Variants in RXFP1 observed in about 807,000 individuals in gnomAD.
The protein encoded by RXFP1 is relaxin receptor 1.
Under a neutral mutation model 89.8 loss-of-function variants are expected in RXFP1, and 73 were observed. The ratio of observed to expected loss-of-function variants is 0.81; its 90% CI spans 0.67 to 0.99. The LOEUF is 0.99. Ranked by LOEUF, RXFP1 falls within the 50% of genes least tolerant of loss-of-function variation. The pLI, the probability that RXFP1 is intolerant of heterozygous loss-of-function variation, is 0.00. For missense variants in RXFP1, 793 were observed against 895.5 expected (o/e 0.89, Z 1.46); for synonymous variants, 277 against 305.5 (o/e 0.91, Z 0.97).
At chr4:158,579,584 C>T (rs1756935429) in intron 2 of RXFP1, among the ~76,000 whole-genome samples, 1 of 152,208 alleles carries the variant, frequency 6.6e-6, no homozygotes, top group African/African-American at 2.4e-5. Flanking sequence ...TGTTTTAAGT[C>T]ACCAAGTTTG....
intron 1 of RXFP1, among the ~76,000 whole-genome samples, chr4:158,560,873 A>G (rs1223595685): frequency 6.6e-6 from 1 of 152,228 alleles, no homozygotes; most frequent in Non-Finnish European, 1.5e-5. Context: ...CTTAGACACC[A>G]AGAAGCCGGC....
chr4:158,521,774 C>A, upstream of RXFP1: 1 of 529,174 alleles, frequency 1.9e-6, no homozygotes, highest in Non-Finnish European at 3.3e-6. Context: ...GAGGAGAGAT[C>A]CTGAGAATAG....
At chr4:158,557,035 G>A (rs1029502781) in intron 1 of RXFP1, among the ~76,000 whole-genome samples, 1 of 152,106 alleles carries the variant, frequency 6.6e-6, no homozygotes, top group Non-Finnish European at 1.5e-5. Flanking sequence ...ATGGTTAACA[G>A]TAAATTATTA....
At chr4:158,615,770 C>A (rs188754641) in intron 8 of RXFP1, among the ~76,000 whole-genome samples, 6 of 151,146 alleles carry the variant, frequency 4.0e-5, no homozygotes, top group African/African-American at 1.5e-4. Context: ...ATAGCAAGAC[C>A]CCATCTCTAC....
intron 17 of RXFP1, 117 bp downstream of exon 17, chr4:158,648,834 C>T (rs1023636436): frequency 4.4e-6 from 3 of 677,742 alleles, no homozygotes; most frequent in South Asian, 2.2e-5. Flanking sequence ...ACATCAGATC[C>T]GAGCACAGTG....
intron 13 of RXFP1, among the ~76,000 whole-genome samples, chr4:158,638,334 T>C (rs1472201416): frequency 6.6e-6 from 1 of 152,204 alleles, no homozygotes; most frequent in East Asian, 1.9e-4. Context: ...TGTTGATTTG[T>C]TTGCTTTGAC....
chr4:158,599,542 C>T (rs1217964051), intron 4 of RXFP1, 111 bp downstream of exon 4: 1 of 881,338 alleles, frequency 1.1e-6, no homozygotes, highest in Non-Finnish European at 1.7e-6. Context: ...AAGATGATGT[C>T]ATTTTTCCTG....
At chr4:158,650,495 G>A (rs533820963) in intron 17 of RXFP1, among the ~76,000 whole-genome samples, 9 of 150,778 alleles carry the variant, frequency 6.0e-5, no homozygotes, top group Non-Finnish European at 1.0e-4. Context: ...GTAGCAGGGC[G>A]CAGTGGCTCA....
Position 158,651,853 on chromosome 4 carries a change from T to G in RXFP1, c.2072T>G (p.Met691Arg). 6.2e-7 allele frequency: 1 copy of G among 1,614,138 alleles called. No homozygotes were observed. The highest frequency in any genetic ancestry group is 1.1e-5 in the South Asian group (1 of 91,084). ...CTGACCACAAGACCATTTAAAGAAA[T>G]GATTCATCGGTTTTGGTATAACTAC... ...YTLTTRPFKE[M>R]IHRFWYNYRQ... Residue 691 changes from methionine (M) to arginine (R), a missense_variant, in exon 18 of 18, where the codon ATG becomes AGG. Coordinates refer to ENST00000307765, the MANE Select transcript of RXFP1 (RefSeq NM_021634.4).
chr4:158,548,112 T>C (rs1184853464), intron 1 of RXFP1, among the ~76,000 whole-genome samples: 1 of 152,234 alleles, frequency 6.6e-6, no homozygotes, highest in Admixed American at 6.5e-5. Flanking sequence ...ACTAAGGACT[T>C]GCTTTATGAA....
chr4:158,548,637 G>T (rs1306367506), intron 1 of RXFP1, among the ~76,000 whole-genome samples: 1 of 152,096 alleles, frequency 6.6e-6, no homozygotes, highest in Non-Finnish European at 1.5e-5. Flanking sequence ...CTCTTTTAGG[G>T]CAGGCCTGGT....
intron 11 of RXFP1, among the ~76,000 whole-genome samples, chr4:158,630,998 G>T (rs1767921935): frequency 6.6e-6 from 1 of 152,180 alleles, no homozygotes; most frequent in South Asian, 2.1e-4. Context: ...TAGTTTACAA[G>T]GTGTTTCCTG....
At chr4:158,586,491 G>C (rs767855033) in intron 2 of RXFP1, among the ~76,000 whole-genome samples, 3 of 151,850 alleles carry the variant, frequency 2.0e-5, no homozygotes, top group African/African-American at 7.3e-5. Flanking sequence ...AGACTGCCTC[G>C]AGATAAATCA....
At chr4:158,640,282 T>C (rs1770109458) in intron 14 of RXFP1, among the ~76,000 whole-genome samples, 1 of 152,222 alleles carries the variant, frequency 6.6e-6, no homozygotes, top group Non-Finnish European at 1.5e-5. Flanking sequence ...TATTGATGTT[T>C]GCCTAATGAG....
chr4:158,612,699 C>T (rs1208214442), intron 8 of RXFP1, among the ~76,000 whole-genome samples: 3 of 152,040 alleles, frequency 2.0e-5, no homozygotes, highest in African/African-American at 7.3e-5. Flanking sequence ...CAACCCCCGC[C>T]TCCTGGGTTC....
intron 15 of RXFP1, among the ~76,000 whole-genome samples, chr4:158,645,490 A>G (rs147333475): frequency 2.6e-5 from 4 of 152,304 alleles, no homozygotes; most frequent in East Asian, 1.9e-4. Flanking sequence ...ATGCAGACCT[A>G]TACTTACTTT....
chr4:158,597,043 T>C (rs1452188133), intron 3 of RXFP1, among the ~76,000 whole-genome samples: 1 of 152,070 alleles, frequency 6.6e-6, no homozygotes, highest in African/African-American at 2.4e-5. Context: ...TTAAAGACAA[T>C]TTGTGGGGGG....
At position 158,568,454 on chromosome 4, in the gene RXFP1, A is replaced by G. The variant is rs190934312; in HGVS notation, c.50-4244A>G. Among the ~76,000 whole-genome samples the G allele has an allele frequency of 9.6e-3, 1,466 of 152,378 alleles. 24 individuals are homozygous for G. Among genetic ancestry groups the G allele is most frequent in the African/African-American group, 0.034 (1,397 of 41,588 alleles). ...ACATCTTCAAAGTAGCTGTAGCTGGAGGCTAATTCATTAAAGAATTTTTCT... is the reference window on the plus strand; with the variant it reads ...ACATCTTCAAAGTAGCTGTAGCTGGGGGCTAATTCATTAAAGAATTTTTCT... On this transcript the variant is annotated intron_variant, in intron 1 of 17. Coordinates refer to ENST00000307765, the MANE Select transcript of RXFP1 (RefSeq NM_021634.4).
rs566906455 is a variant in RXFP1 at position 158,646,331 on chromosome 4, T to G, written c.1346-460T>G. The stretch of plus-strand genomic sequence containing the variant: ...TCAGAATTCAGTCATTATTCTATCA[T>G]AGGAACTTGTGAATTACTTTCTCCA... On this transcript the variant is annotated intron_variant, in intron 15 of 17. Transcript: ENST00000307765. 164 of 477,610 alleles carry G rather than the reference T, an allele frequency of 3.4e-4. 6 individuals are homozygous for G. The highest frequency in any genetic ancestry group is 2.4e-3 in the South Asian group (158 of 64,680). 29.6% of individuals were successfully genotyped at this position (477,610 alleles called of 1,614,324 possible).
Sources: allele counts gnomAD v4.1 joint callset (sites outside exome capture counted in the v4.1 genomes callset), GRCh38; gene constraint gnomAD v4.1.1; transcripts MANE v1.5; gene names NCBI Gene and HGNC (gene_info 2026-07-23, HGNC 2026-07-21).